Variants in SPAG16 observed in about 807,000 individuals in gnomAD.
SPAG16 encodes sperm-associated antigen 16 protein.
A neutral mutation model predicts 80.4 loss-of-function variants in SPAG16; 86 were observed. The observed-to-expected ratio is 1.07, with a 90% CI of 0.90 to 1.28. The LOEUF (loss-of-function observed/expected upper bound fraction) is 1.28. Among genes scored for constraint, SPAG16 ranks in the 50% most tolerant of loss-of-function variants. The pLI is 0.00. For missense variants in SPAG16, 870 were observed against 765.3 expected, an observed-to-expected ratio of 1.14 and a Z score of -1.61; for synonymous variants, 294 against 265.9, an observed-to-expected ratio of 1.11 and a Z score of -1.03.
At chr2:213,295,996 T>C (rs1328771028) in intron 1 of SPAG16, 68 bp from the exon 2 acceptor site, 1 of 1,357,184 alleles carries the variant, frequency 7.4e-7, no homozygotes, top group South Asian at 1.2e-5. Flanking sequence ...TATTTGAAGG[T>C]CAAATCAATT....
At chr2:213,611,425 ATAAAT>A (rs1262377377) in intron 10 of SPAG16, among the ~76,000 whole-genome samples, 4 of 152,218 alleles carry the variant, frequency 2.6e-5, no homozygotes, top group Non-Finnish European at 4.4e-5. Flanking sequence ...ATTTGAAAAA[ATAAAT>A]TTAATGGTTA....
intron 11 of SPAG16, among the ~76,000 whole-genome samples, chr2:213,881,801 G>T (rs1010674901): frequency 4.6e-5 from 7 of 152,204 alleles, no homozygotes; most frequent in African/African-American, 1.7e-4. Flanking sequence ...TGTGATTTGG[G>T]TGGAGACACA....
intron 10 of SPAG16, among the ~76,000 whole-genome samples, chr2:213,767,655 T>TCACACACACACACACACACACA (rs3220937): frequency 2.7e-5 from 4 of 147,666 alleles, no homozygotes; most frequent in African/African-American, 7.5e-5. Context: ...ACAACATACT[T>TCACACACACACACACACACACA]CACACACACA....
intron 10 of SPAG16, among the ~76,000 whole-genome samples, chr2:213,591,373 T>C (rs2060683603): frequency 6.6e-6 from 1 of 152,170 alleles, no homozygotes; most frequent in Admixed American, 6.5e-5. Context: ...CATCAATTAG[T>C]AGTAAGAATT....
chr2:214,311,323 G>A (rs1218474510), intron 15 of SPAG16, among the ~76,000 whole-genome samples: 1 of 152,152 alleles, frequency 6.6e-6, no homozygotes. Flanking sequence ...TCCCTGGGTA[G>A]GTTAATGACC....
intron 10 of SPAG16, among the ~76,000 whole-genome samples, chr2:213,756,931 T>C (rs2068371834): frequency 6.6e-6 from 1 of 152,182 alleles, no homozygotes; most frequent in Non-Finnish European, 1.5e-5. Flanking sequence ...ACCCTTATGG[T>C]GTTGTCTTTA....
intron 10 of SPAG16, among the ~76,000 whole-genome samples, chr2:213,860,215 TA>T (rs1336751048): frequency 6.6e-6 from 1 of 151,914 alleles, no homozygotes; most frequent in African/African-American, 2.4e-5. Flanking sequence ...CAAAACCAGG[TA>T]TTTATTAATA....
At chr2:213,449,525 AC>A (rs2071560742) in intron 9 of SPAG16, among the ~76,000 whole-genome samples, 1 of 152,138 alleles carries the variant, frequency 6.6e-6, no homozygotes, top group Admixed American at 6.5e-5. Context: ...ATGTGATGTC[AC>A]CCCTCGCGGC....
chr2:213,846,165 A>T (rs972918026), intron 10 of SPAG16, among the ~76,000 whole-genome samples: 7 of 152,222 alleles, frequency 4.6e-5, no homozygotes, highest in African/African-American at 1.7e-4. Context: ...ATTGTTGAAA[A>T]TTGTTTTGAA....
chr2:214,097,109 A>G (rs2052643181), intron 13 of SPAG16, among the ~76,000 whole-genome samples: 1 of 152,030 alleles, frequency 6.6e-6, no homozygotes, highest in African/African-American at 2.4e-5. Flanking sequence ...TTTGACATTA[A>G]TTTTTAAACT....
intron 13 of SPAG16, among the ~76,000 whole-genome samples, chr2:214,081,435 G>T (rs894224392): frequency 7.9e-5 from 12 of 152,212 alleles, no homozygotes; most frequent in Admixed American, 7.2e-4. Flanking sequence ...TGAAGTAGGG[G>T]GAGCCCTAAT....
chr2:213,955,418 T>C lies in SPAG16; in HGVS notation c.1400+25273T>C, dbSNP rs150930837. Among the ~76,000 whole-genome samples the C allele has an allele frequency of 3.2e-3, 493 of 152,332 alleles. 5 individuals carry two copies. Among genetic ancestry groups the C allele is most frequent in the Admixed American group, 6.8e-3 (104 of 15,302 alleles). ...GGATGTTCACTTGTTCAAACTTTAG[T>C]TGAAAAGACATTTGATGAAAACGCT... On this transcript the variant is annotated intron_variant, in intron 12 of 15. Transcript: ENST00000331683.
At chr2:214,282,104 G>A (rs993234015) in intron 15 of SPAG16, among the ~76,000 whole-genome samples, 1 of 152,138 alleles carries the variant, frequency 6.6e-6, no homozygotes, top group African/African-American at 2.4e-5. Context: ...CTCCAGAAGT[G>A]TATACATGTG....
Position 213,468,429 on chromosome 2 carries a change from ATATC to A in SPAG16, c.943-21530_943-21527del, listed in dbSNP as rs1194045708. Among the ~76,000 whole-genome samples, 139 of 143,760 alleles carry A rather than the reference ATATC, an allele frequency of 9.7e-4. 2 individuals are homozygous for A. Among genetic ancestry groups the A allele is most frequent in the African/African-American group, 2.6e-3 (102 of 38,864 alleles). The allele number at this position is 143,760 out of a possible 152,430, so 94.3% of individuals were successfully genotyped here. A position where few individuals can be genotyped will look rare whatever the true frequency, so the allele number is the denominator to read the frequency against. On this transcript the variant is annotated intron_variant, in intron 9 of 15. Coordinates refer to ENST00000331683, the MANE Select transcript of SPAG16 (RefSeq NM_024532.5). ...TATGTATTTATGTACAGATATATAT[ATATC>A]TATGTATTTATATATAGATATATAT...
At chr2:213,824,313 G>T (rs1021485042) in intron 10 of SPAG16, among the ~76,000 whole-genome samples, 1 of 152,142 alleles carries the variant, frequency 6.6e-6, no homozygotes, top group African/African-American at 2.4e-5. Context: ...AGACATCTTT[G>T]CCCAATGCAA....
chr2:214,037,004 A>G (rs1404822851), intron 13 of SPAG16, among the ~76,000 whole-genome samples: 1 of 151,944 alleles, frequency 6.6e-6, no homozygotes, highest in East Asian at 1.9e-4. Flanking sequence ...TGAGATCTAT[A>G]TTAAATTTCA....
At chr2:214,066,973 T>C (rs1254431769) in intron 13 of SPAG16, among the ~76,000 whole-genome samples, 1 of 152,184 alleles carries the variant, frequency 6.6e-6, no homozygotes, top group East Asian at 1.9e-4. Context: ...ACTGTTGTCC[T>C]TCACCCAGTA....
chr2:213,830,866 G>T (rs59655277), intron 10 of SPAG16, among the ~76,000 whole-genome samples: 1 of 151,692 alleles, frequency 6.6e-6, no homozygotes, highest in Non-Finnish European at 1.5e-5. Flanking sequence ...TTTGTCTTTC[G>T]GGACATTTGT....
At chr2:214,299,386 A>T (rs369892871) in intron 15 of SPAG16, among the ~76,000 whole-genome samples, 3 of 151,134 alleles carry the variant, frequency 2.0e-5, no homozygotes, top group Non-Finnish European at 4.4e-5. Context: ...AATAGCTGGG[A>T]CTATAGGTGC....
Sources: allele counts gnomAD v4.1 joint callset (sites outside exome capture counted in the v4.1 genomes callset), GRCh38; gene constraint gnomAD v4.1.1; transcripts MANE v1.5; gene names NCBI Gene and HGNC (gene_info 2026-07-23, HGNC 2026-07-21).